AGMO: variants seen among roughly 807,000 people sequenced by gnomAD.
AGMO encodes the protein alkylglycerol monooxygenase.
In AGMO, 75 loss-of-function variants were observed where a neutral mutation model predicts 60.2. The observed-to-expected ratio is 1.25, with a 90% CI of 1.03 to 1.51. AGMO has a LOEUF of 1.51. Among genes scored for constraint, AGMO ranks in the 40% most tolerant of loss-of-function variants. The pLI is 0.00. For synonymous variants in AGMO, 261 were observed against 177.1 expected, an observed-to-expected ratio of 1.47 and a Z score of -3.76; for missense variants, 763 against 525.5, an observed-to-expected ratio of 1.45 and a Z score of -4.42.
intron 3 of AGMO, among the ~76,000 whole-genome samples, chr7:15,512,707 T>C (rs1783706332): frequency 6.6e-6 from 1 of 152,228 alleles, no homozygotes; most frequent in Admixed American, 6.5e-5. Flanking sequence ...GATAATATTT[T>C]CTAGAAATTT....
chr7:15,484,383 T>C (rs529045114), intron 3 of AGMO, among the ~76,000 whole-genome samples: 2 of 152,176 alleles, frequency 1.3e-5, no homozygotes, highest in African/African-American at 2.4e-5. Context: ...TCCAGAAAGA[T>C]AGACAGTAGT....
At chr7:15,184,477 AAAG>A in the AGMO span, among the ~76,000 whole-genome samples, 5 of 100,238 alleles carry the variant, frequency 5.0e-5, no homozygotes, top group East Asian at 3.9e-4. Flanking sequence ...GAAGGAAGGA[AAAG>A]GAGGGAGGGA....
At chr7:15,380,319 G>A (rs1046277115) in intron 10 of AGMO, among the ~76,000 whole-genome samples, 6 of 152,048 alleles carry the variant, frequency 3.9e-5, no homozygotes, top group Admixed American at 3.3e-4. Flanking sequence ...AAAGTCTCCG[G>A]ATACAAAATC....
chr7:15,496,466 C>A (rs1435550513), intron 3 of AGMO, among the ~76,000 whole-genome samples: 1 of 151,974 alleles, frequency 6.6e-6, no homozygotes, highest in Non-Finnish European at 1.5e-5. Context: ...CTCAGGGTTT[C>A]TCCCCTGTAA....
chr7:15,547,587 A>C (rs566626719), intron 2 of AGMO, among the ~76,000 whole-genome samples: 6 of 152,170 alleles, frequency 3.9e-5, no homozygotes, highest in South Asian at 2.1e-4. Flanking sequence ...TCACTCCCAC[A>C]CGAATATTGC....
At chr7:15,508,472 C>T (rs1783581905) in intron 3 of AGMO, among the ~76,000 whole-genome samples, 1 of 152,056 alleles carries the variant, frequency 6.6e-6, no homozygotes, top group African/African-American at 2.4e-5. Flanking sequence ...GAAGCTGCTC[C>T]CTGCAATAAA....
intron 12 of AGMO, among the ~76,000 whole-genome samples, chr7:15,350,055 G>C (rs1332174911): frequency 6.6e-6 from 1 of 151,892 alleles, no homozygotes; most frequent in African/African-American, 2.4e-5. Flanking sequence ...TTATTCTCTT[G>C]ATTTCACAAA....
chr7:15,253,802 A>G lies in AGMO; in HGVS notation c.1264-52443T>C, dbSNP rs374819423. 3.9e-5 allele frequency among the ~76,000 whole-genome samples: 6 copies of G among 152,256 alleles called. No homozygotes were observed. In the East Asian group the frequency reaches 7.7e-4, roughly 20 times the overall value. On this transcript the variant is annotated intron_variant, in intron 12 of 12. Transcript: ENST00000342526. ...TAGAGTACCAGAACTTATTCCTCCT[A>G]TGTAACTGTAACACCGTAGTCATTG...
intron 12 of AGMO, among the ~76,000 whole-genome samples, chr7:15,341,222 T>C (rs1356895111): frequency 6.6e-6 from 1 of 152,204 alleles, no homozygotes; most frequent in Non-Finnish European, 1.5e-5. Context: ...ATTTCTTTTC[T>C]ACTGCATCAT....
chr7:15,175,481 A>G, the AGMO span, among the ~76,000 whole-genome samples: 1 of 151,898 alleles, frequency 6.6e-6, no homozygotes. Context: ...GAAAACAATA[A>G]ACATCTGAAT....
At chr7:15,364,805 TA>T (rs1782908585) in intron 12 of AGMO, among the ~76,000 whole-genome samples, 1 of 152,118 alleles carries the variant, frequency 6.6e-6, no homozygotes, top group Non-Finnish European at 1.5e-5. Context: ...TATTTATGTT[TA>T]ATGCTTAAAT....
chr7:15,390,962 T>C, intron 6 of AGMO, 57 bp from the exon 7 acceptor site: 1 of 1,041,040 alleles, frequency 9.6e-7, no homozygotes. Flanking sequence ...CTTTTTGAGA[T>C]ACTTCCATCT....
intron 12 of AGMO, among the ~76,000 whole-genome samples, chr7:15,260,196 T>G (rs1313095439): frequency 2.1e-5 from 3 of 143,708 alleles, no homozygotes; most frequent in African/African-American, 7.8e-5. Context: ...CACTCCAGCC[T>G]GGGTGACAGA....
chr7:15,134,488 G>A, the AGMO span, among the ~76,000 whole-genome samples: 1 of 152,218 alleles, frequency 6.6e-6, no homozygotes, highest in East Asian at 1.9e-4. Context: ...GGTGTTGGTT[G>A]TTCCCTTCCT....
chr7:15,312,081 G>C (rs1035241839), intron 12 of AGMO, among the ~76,000 whole-genome samples: 20 of 151,914 alleles, frequency 1.3e-4, no homozygotes, highest in Middle Eastern at 3.2e-3. Flanking sequence ...ATGAGACAGG[G>C]AGAGAGAGAA....
chr7:15,288,836 T>C lies in AGMO; in HGVS notation c.1263+76678A>G, dbSNP rs1583367600. Among the ~76,000 whole-genome samples, 3 of 148,252 alleles carry C rather than the reference T, an allele frequency of 2.0e-5. No homozygotes were observed. The Admixed American group carries it at 2.0e-4, about 10-fold the overall frequency. On this transcript the variant is annotated intron_variant, in intron 12 of 12. Coordinates refer to ENST00000342526, the MANE Select transcript of AGMO (RefSeq NM_001004320.2). ...TAACATCTTTTTAAACAGAGGGCTT[T>C]AAAAAAATAAAAAATAAAAAAAAAA...
In AGMO at chr7:15,390,728, T is replaced by C. The variant is rs747957755; in HGVS notation, c.765A>G (p.Glu255=). 1.9e-6 allele frequency: 3 copies of C among 1,611,524 alleles called. No homozygotes were observed. Among genetic ancestry groups the C allele is most frequent in the South Asian group, 1.1e-5 (1 of 90,626 alleles). Reference sequence around the variant, plus strand: ...GATGTGTTAAGCCATATACAACTTTTTCATTTTCTGCTTCAAATGTCCCTG... The same window carrying C: ...GATGTGTTAAGCCATATACAACTTTCTCATTTTCTGCTTCAAATGTCCCTG... ...KIFGTFEAEN[E]KVVYGLTHPI... is the part of the protein sequence containing the mutation. The change falls in exon 8 of 13, where the codon GAA becomes GAG. Residue 255 remains glutamate, a synonymous_variant. Coordinates refer to ENST00000342526, the MANE Select transcript of AGMO (RefSeq NM_001004320.2).
chr7:15,218,397 T>C (rs1463804635), intron 12 of AGMO, among the ~76,000 whole-genome samples: 2 of 150,560 alleles, frequency 1.3e-5, no homozygotes, highest in Non-Finnish European at 3.0e-5. Flanking sequence ...TTTTGGGCCA[T>C]ATGTTTTAGT....
At chr7:15,531,585 CTATATATAT>C (rs1784361974) in intron 3 of AGMO, among the ~76,000 whole-genome samples, 1 of 111,806 alleles carries the variant, frequency 8.9e-6, no homozygotes, top group African/African-American at 3.6e-5. Flanking sequence ...TATATATATT[CTATATATAT>C]TCTATATATA....
Sources: allele counts gnomAD v4.1 joint callset (sites outside exome capture counted in the v4.1 genomes callset), GRCh38; gene constraint gnomAD v4.1.1; transcripts MANE v1.5; gene names NCBI Gene and HGNC (gene_info 2026-07-23, HGNC 2026-07-21).